Variants in KCNC1 observed in about 807,000 individuals in gnomAD.
The protein encoded by KCNC1 is voltage-gated potassium channel KCNC1.
A neutral mutation model predicts 43.4 loss-of-function variants in KCNC1; 8 were observed. The ratio of observed to expected loss-of-function variants is 0.18; its 90% CI spans 0.11 to 0.33. The LOEUF (loss-of-function observed/expected upper bound fraction) is 0.33, where lower values mean the gene tolerates loss of function less well. Ranked by LOEUF, KCNC1 falls within the 10% of genes least tolerant of loss-of-function variation. The probability of loss-of-function intolerance (pLI) is 1.00; values close to 1 mark genes in which losing one functional copy is unlikely to be tolerated. For missense variants in KCNC1, 420 were observed against 836.0 expected, an observed-to-expected ratio of 0.50 and a Z score of 6.14; for synonymous variants, 361 against 360.5, an observed-to-expected ratio of 1.00 and a Z score of -0.01.
chr11:17,775,114 G>A, intron 2 of KCNC1: 1 of 985,640 alleles, frequency 1.0e-6, no homozygotes, highest in African/African-American at 1.7e-5. Context: ...GGTAAATGTG[G>A]TGGCCCCACA....
At position 17,772,339 on chromosome 11, in the gene KCNC1, G is replaced by A; in HGVS notation, c.1245G>A (p.Leu415=). The change falls in exon 2 of 4, where the codon CTG becomes CTA. Residue 415 remains leucine, a synonymous_variant. Coordinates refer to ENST00000265969, the MANE Select transcript of KCNC1 (RefSeq NM_001112741.2). ...DMYPQTWSGM[L]VGALCALAGV... is the part of the protein sequence containing the mutation. ...ACCCGCAGACGTGGTCCGGCATGCT[G>A]GTGGGGGCTCTGTGTGCGCTGGCGG... 1 of 1,614,230 alleles carries A rather than the reference G, an allele frequency of 6.2e-7. No homozygotes were observed. Among genetic ancestry groups the A allele is most frequent in the South Asian group, 1.1e-5 (1 of 91,084 alleles).
chr11:17,747,783 G>A (rs1023327596), intron 1 of KCNC1, among the ~76,000 whole-genome samples: 3 of 152,170 alleles, frequency 2.0e-5, no homozygotes, highest in South Asian at 2.1e-4. Context: ...TCTGCAGGGC[G>A]TCGGATGCCC....
At chr11:17,774,046 G>A in intron 2 of KCNC1, 1 of 985,512 alleles carries the variant, frequency 1.0e-6, no homozygotes, top group Non-Finnish European at 1.2e-6. Context: ...TTACCCCACA[G>A]CTATGCTGGC....
At position 17,771,599 on chromosome 11, in the gene KCNC1, A is replaced by G; in HGVS notation, c.571-66A>G. 3 of 1,437,746 alleles carry G rather than the reference A, an allele frequency of 2.1e-6. No individual in the cohort carries two copies. Among genetic ancestry groups the G allele is most frequent in the Admixed American group, 1.9e-5 (1 of 53,816 alleles). 89.1% of individuals were successfully genotyped at this position (1,437,746 alleles called of 1,614,324 possible). On this transcript the variant is annotated intron_variant, in intron 1 of 3. Transcript: ENST00000265969. The surrounding 1 kb of genome is among the most constrained non-coding windows in gnomAD (Gnocchi z 4.7). ...CCCCCGCCTGGCCCTGGGACTGGAC[A>G]GAGGCAACCCAGGCTTCTCCACTCT...
intron 1 of KCNC1, among the ~76,000 whole-genome samples, chr11:17,756,599 C>T (rs1197170330): frequency 2.0e-5 from 3 of 151,874 alleles, no homozygotes. Flanking sequence ...TCGATACAAA[C>T]ACACAAGTGG....
At chr11:17,774,687 G>C (rs1849265797) in intron 2 of KCNC1, 2 of 985,364 alleles carry the variant, frequency 2.0e-6, no homozygotes, top group Admixed American at 1.2e-4. Context: ...GGTTTCAGGG[G>C]CCCAGACAGT....
chr11:17,764,594 C>CA (rs1054413009), intron 1 of KCNC1, among the ~76,000 whole-genome samples: 3 of 152,222 alleles, frequency 2.0e-5, no homozygotes, highest in Admixed American at 6.5e-5. Context: ...CATGCTCACA[C>CA]ACACTCTGCT....
chr11:17,771,810 C>T lies in KCNC1; in HGVS notation c.716C>T (p.Ala239Val), dbSNP rs373113740. The change falls in exon 2 of 4, where the codon GCC (alanine) becomes GTC (valine). Residue 239 changes from alanine (A) to valine (V), a missense_variant. Physicochemically the swap from Ala to Val is moderately conservative, Grantham distance 64. Coordinates refer to ENST00000265969, the MANE Select transcript of KCNC1 (RefSeq NM_001112741.2). This position sits in a 1 kb window ranked among gnomAD's most constrained non-coding sequence, Gnocchi z 4.7. The part of the protein sequence containing the change: ...NGTQVRYYRE[A>V]ETEAFLTYIE... Reference sequence around the variant, plus strand: ...ACGCAAGTGCGCTACTACCGGGAGGCCGAGACGGAGGCCTTCCTTACCTAC... The same window carrying T: ...ACGCAAGTGCGCTACTACCGGGAGGTCGAGACGGAGGCCTTCCTTACCTAC... The T allele has an allele frequency of 6.2e-7, 1 of 1,614,234 alleles. No individual in the cohort carries two copies. Among genetic ancestry groups the T allele is most frequent in the Non-Finnish European group, 8.5e-7 (1 of 1,180,016 alleles).
Position 17,739,171 on chromosome 11 carries a change from GC to G in KCNC1, c.570+2603del, listed in dbSNP as rs1848806081. 2.0e-5 allele frequency among the ~76,000 whole-genome samples: 3 copies of G among 152,286 alleles called. No individual in the cohort carries two copies. The highest frequency in any genetic ancestry group is 1.5e-5 in the Non-Finnish European group (1 of 68,020). On this transcript the variant is annotated intron_variant, in intron 1 of 3. Coordinates refer to ENST00000265969, the MANE Select transcript of KCNC1 (RefSeq NM_001112741.2). The surrounding 1 kb of genome is among the most constrained non-coding windows in gnomAD (Gnocchi z 4.2). ...TTTGTTTACCCCTCCCCCACACGGG[GC>G]CCCGAGACTCCTCACACCAGCGGGT...
In KCNC1 at chr11:17,773,351, G is replaced by A. The variant is rs1849252473; in HGVS notation, c.1504+753G>A. 1 of 985,444 alleles carries A rather than the reference G, an allele frequency of 1.0e-6. No individual in the cohort carries two copies. Among genetic ancestry groups the A allele is most frequent in the Non-Finnish European group, 1.2e-6 (1 of 829,970 alleles). The allele number at this position is 985,444 out of a possible 1,614,324, so 61.0% of individuals were successfully genotyped here. On this transcript the variant is annotated intron_variant, in intron 2 of 3. Coordinates refer to ENST00000265969, the MANE Select transcript of KCNC1 (RefSeq NM_001112741.2). This position sits in a 1 kb window ranked among gnomAD's most constrained non-coding sequence, Gnocchi z 4.1. ...ACGTTGTCTGTTTGGGTTGATGGTC[G>A]AGTGGGAGTTTCCGGTGACCCGATG...
rs140197598 is a variant in KCNC1 at position 17,778,668 on chromosome 11, A to G, written c.1505-788A>G. Reference sequence around the variant, plus strand: ...GATGGAGTGGTCAAATTGGGTCTGCATGGGCAAAGAGGAGACTGTGTGACC... The same window carrying G: ...GATGGAGTGGTCAAATTGGGTCTGCGTGGGCAAAGAGGAGACTGTGTGACC... On this transcript the variant is annotated intron_variant, in intron 2 of 3. Coordinates refer to ENST00000265969, the MANE Select transcript of KCNC1 (RefSeq NM_001112741.2). Among the ~76,000 whole-genome samples the G allele has an allele frequency of 2.7e-3, 416 of 152,264 alleles. 4 individuals carry two copies. The highest frequency in any genetic ancestry group is 9.6e-3 in the African/African-American group (397 of 41,566).
intron 1 of KCNC1, among the ~76,000 whole-genome samples, chr11:17,749,153 T>C (rs984414299): frequency 2.0e-5 from 3 of 152,192 alleles, no homozygotes; most frequent in Admixed American, 6.5e-5. Flanking sequence ...TGTGTGATCT[T>C]AGTAAGTCTC....
Position 17,736,634 on chromosome 11 carries a change from C to T in KCNC1, c.570+62C>T, listed in dbSNP as rs896797471. ...GAAGGCAGCGTCCTGTGCCTCCCCGCGGGCAGGGGTGGACCGGAGAACTGG... is the reference window on the plus strand; with the variant it reads ...GAAGGCAGCGTCCTGTGCCTCCCCGTGGGCAGGGGTGGACCGGAGAACTGG... On this transcript the variant is annotated intron_variant, in intron 1 of 3. Transcript: ENST00000265969. The surrounding 1 kb of genome is among the most constrained non-coding windows in gnomAD (Gnocchi z 9.3). 9.3e-5 allele frequency: 135 copies of T among 1,445,530 alleles called. No homozygotes were observed. The highest frequency in any genetic ancestry group is 1.8e-5 in the Non-Finnish European group (20 of 1,106,282). The allele number at this position is 1,445,530 out of a possible 1,614,324, so 89.5% of individuals were successfully genotyped here. A position where few individuals can be genotyped will look rare whatever the true frequency, so the allele number is the denominator to read the frequency against.
chr11:17,749,645 T>A (rs1848943062), intron 1 of KCNC1, among the ~76,000 whole-genome samples: 1 of 152,222 alleles, frequency 6.6e-6, no homozygotes, highest in Non-Finnish European at 1.5e-5. Flanking sequence ...CACGGCCACC[T>A]GCTGGGCCAC....
At position 17,736,897 on chromosome 11, in the gene KCNC1, G is replaced by A. The variant is rs949172238; in HGVS notation, c.570+325G>A. On this transcript the variant is annotated intron_variant, in intron 1 of 3. Transcript: ENST00000265969. The surrounding 1 kb of genome is among the most constrained non-coding windows in gnomAD (Gnocchi z 9.3). Reference sequence around the variant, plus strand: ...TGGGTAAAGTGTGGAGTGGGAATGAGTGAGCATGTGTGTATGTTCGAGTGT... The same window carrying A: ...TGGGTAAAGTGTGGAGTGGGAATGAATGAGCATGTGTGTATGTTCGAGTGT... Among the ~76,000 whole-genome samples, 4 of 152,210 alleles carry A rather than the reference G, an allele frequency of 2.6e-5. No individual in the cohort carries two copies. The highest frequency in any genetic ancestry group is 2.6e-4 in the Admixed American group (4 of 15,286).
chr11:17,779,351 A>C lies in KCNC1; in HGVS notation c.1505-105A>C. The C allele has an allele frequency of 4.4e-6, 4 of 917,286 alleles. No individual in the cohort carries two copies. Among genetic ancestry groups the C allele is most frequent in the African/African-American group, 1.7e-5 (1 of 58,428 alleles). 56.8% of individuals were successfully genotyped at this position (917,286 alleles called of 1,614,324 possible). ...CCTGCCCGCTTTTCCGTCCTCAGGG[A>C]CGCTCAAGCTGCCCTCTGCCAATAC... On this transcript the variant is annotated intron_variant, in intron 2 of 3. Coordinates refer to ENST00000265969, the MANE Select transcript of KCNC1 (RefSeq NM_001112741.2). The surrounding 1 kb of genome is among the most constrained non-coding windows in gnomAD (Gnocchi z 7.2).
In KCNC1 at chr11:17,776,254, C is replaced by A; in HGVS notation, c.1505-3202C>A. On this transcript the variant is annotated intron_variant, in intron 2 of 3. Transcript: ENST00000265969. The surrounding 1 kb of genome is among the most constrained non-coding windows in gnomAD (Gnocchi z 4.4). ...TCCTCGTTTTGTTGCATGACTTGTG[C>A]CGGTTCTCGTGATTGTTCCCTGCTC... is the stretch of plus-strand genomic sequence containing the variant. 1 of 985,426 alleles carries A rather than the reference C, an allele frequency of 1.0e-6. No homozygotes were observed. The highest frequency in any genetic ancestry group is 1.2e-6 in the Non-Finnish European group (1 of 829,982). 61.0% of individuals were successfully genotyped at this position (985,426 alleles called of 1,614,324 possible).
At position 17,736,757 on chromosome 11, in the gene KCNC1, G is replaced by C. The variant is rs1848772717; in HGVS notation, c.570+185G>C. ...GTCCGCCGGGGTTCTGGTTTTCTAT[G>C]TATGTCAGTCTGTGTGTTGCCAAGT... On this transcript the variant is annotated intron_variant, in intron 1 of 3. Coordinates refer to ENST00000265969, the MANE Select transcript of KCNC1 (RefSeq NM_001112741.2). This position sits in a 1 kb window ranked among gnomAD's most constrained non-coding sequence, Gnocchi z 9.3. Among the ~76,000 whole-genome samples the C allele has an allele frequency of 6.6e-6, 1 of 152,218 alleles. No homozygotes were observed. The highest frequency in any genetic ancestry group is 1.5e-5 in the Non-Finnish European group (1 of 68,024).
chr11:17,745,844 C>T (rs1848892955), intron 1 of KCNC1, among the ~76,000 whole-genome samples: 1 of 152,202 alleles, frequency 6.6e-6, no homozygotes, highest in Non-Finnish European at 1.5e-5. Flanking sequence ...TCTCCGGCCC[C>T]TTCCCCACTT....
Sources: gnomAD v4.1 joint callset for allele counts (sites outside exome capture counted in the v4.1 genomes callset) on GRCh38, gnomAD v4.1.1 for gene constraint, Gnocchi (gnomAD v3.1) non-coding constraint, MANE v1.5 for transcripts, NCBI Gene and HGNC (gene_info 2026-07-23, HGNC 2026-07-21) for gene names.